FBN1: variants seen among roughly 807,000 people sequenced by gnomAD.
FBN1 encodes the protein fibrillin-1.
A neutral mutation model predicts 365.1 loss-of-function variants in FBN1; 29 were observed. The observed-to-expected ratio is 0.08, with a 90% CI of 0.06 to 0.11. The LOEUF is 0.11. Ranked by LOEUF, FBN1 falls within the 10% of genes least tolerant of loss-of-function variation. FBN1 has a pLI of 1.00. For missense variants in FBN1, 2,476 were observed against 3,703.2 expected (o/e 0.67, Z 8.60); for synonymous variants, 1,210 against 1,270.5 (o/e 0.95, Z 1.01).
intron 50 of FBN1, among the ~76,000 whole-genome samples, chr15:48,440,154 C>T (rs1400769197): frequency 6.6e-6 from 1 of 152,202 alleles, no homozygotes; most frequent in Non-Finnish European, 1.5e-5. Flanking sequence ...TACTTCAGGA[C>T]TCACTGGGAT....
chr15:48,618,261 G>A (rs1889695904), intron 2 of FBN1, among the ~76,000 whole-genome samples: 1 of 152,110 alleles, frequency 6.6e-6, no homozygotes, highest in Non-Finnish European at 1.5e-5. Context: ...GATAGATCAT[G>A]AAACAATTAC....
At chr15:48,451,595 A>G (rs2043202022) in intron 45 of FBN1, among the ~76,000 whole-genome samples, 1 of 152,214 alleles carries the variant, frequency 6.6e-6, no homozygotes, top group South Asian at 2.1e-4. Context: ...AAATCCAAGG[A>G]AAATCTGACC....
chr15:48,434,526 C>T, intron 54 of FBN1, 68 bp downstream of exon 54: 1 of 1,594,544 alleles, frequency 6.3e-7, no homozygotes, highest in East Asian at 2.2e-5. Flanking sequence ...AATATTAAGA[C>T]TTGTAATCAA....
At chr15:48,442,035 G>A (rs762057666) in intron 49 of FBN1, among the ~76,000 whole-genome samples, 189 bp from the exon 50 acceptor site, 7 of 152,170 alleles carry the variant, frequency 4.6e-5, no homozygotes, top group Non-Finnish European at 1.0e-4. Flanking sequence ...AATTAGTTTT[G>A]ACAGTTATTG....
intron 44 of FBN1, among the ~76,000 whole-genome samples, chr15:48,454,557 G>C (rs1475437988): frequency 6.6e-6 from 1 of 152,172 alleles, no homozygotes; most frequent in Non-Finnish European, 1.5e-5. Flanking sequence ...CAAAATACAT[G>C]TTTCCCTCTT....
In FBN1 at chr15:48,499,017, C is replaced by A. The variant is rs1597571384; in HGVS notation, c.2135G>T (p.Ser712Ile). The change falls in exon 18 of 66, where the codon AGC becomes ATC. Residue 712 changes from serine (S) to isoleucine (I), a missense_variant. By Grantham distance (142) the Ser-to-Ile change is moderately radical. This residue lies in a region of FBN1 where 1,780 missense variants were observed against 2,840.8 expected (regional missense o/e 0.63). Coordinates refer to ENST00000316623, the MANE Select transcript of FBN1 (RefSeq NM_000138.5). ...QNSAEYQALC[S>I]SGPGMTSAGS... ...TGCTGACGTCATTCCTGGCCCACTG[C>A]TGCAGAGTGCCTGATATTCCGCTGC... is the stretch of plus-strand genomic sequence containing the variant. The A allele has an allele frequency of 6.2e-7, 1 of 1,614,230 alleles. No homozygotes were observed. The highest frequency in any genetic ancestry group is 8.5e-7 in the Non-Finnish European group (1 of 1,180,024).
chr15:48,480,548 C>G (rs915748757), intron 32 of FBN1, among the ~76,000 whole-genome samples: 2 of 152,124 alleles, frequency 1.3e-5, no homozygotes, highest in African/African-American at 4.8e-5. Context: ...CATAATTTGG[C>G]TAGCATCTGT....
chr15:48,477,043 A>G (rs1053164541), intron 32 of FBN1, among the ~76,000 whole-genome samples: 20 of 152,080 alleles, frequency 1.3e-4, no homozygotes, highest in African/African-American at 4.8e-4. Flanking sequence ...TCTTCTACTA[A>G]GCATAATTTT....
At chr15:48,441,988 T>C in intron 49 of FBN1, 142 bp from the exon 50 acceptor site, 2 of 857,706 alleles carry the variant, frequency 2.3e-6, no homozygotes, top group Non-Finnish European at 3.8e-6. Context: ...ACCATAACAC[T>C]GTGGACTGGA....
intron 2 of FBN1, among the ~76,000 whole-genome samples, chr15:48,636,168 G>A (rs1240475300): frequency 6.6e-6 from 1 of 152,164 alleles, no homozygotes; most frequent in Non-Finnish European, 1.5e-5. Context: ...TCCAGGTCAT[G>A]CGATTCCAGG....
chr15:48,434,170 A>T (rs182689905), intron 54 of FBN1, among the ~76,000 whole-genome samples: 1 of 152,114 alleles, frequency 6.6e-6, no homozygotes, highest in African/African-American at 2.4e-5. Context: ...ATTGCCTCCA[A>T]ATGGCTACAG....
intron 45 of FBN1, among the ~76,000 whole-genome samples, chr15:48,450,304 G>C (rs1196464349): frequency 6.6e-6 from 1 of 152,138 alleles, no homozygotes; most frequent in Non-Finnish European, 1.5e-5. Context: ...AGGAAATGGA[G>C]AGCCTTAAGG....
chr15:48,488,303 T>C lies in FBN1; in HGVS notation c.3209-62A>G. The C allele has an allele frequency of 4.3e-6, 7 of 1,612,776 alleles. No individual in the cohort carries two copies. In the South Asian group the frequency reaches 4.4e-5, roughly 10 times the overall value. On this transcript the variant is annotated intron_variant, in intron 26 of 65. Transcript: ENST00000316623. ...AGGACAGCCTTAATTCTTGCGACAA[T>C]ATGTTAAAGATAAAGAGTTTTAAAG... is the stretch of plus-strand genomic sequence containing the variant.
chr15:48,605,907 G>A (rs1039292024), intron 4 of FBN1, among the ~76,000 whole-genome samples: 9 of 151,988 alleles, frequency 5.9e-5, no homozygotes, highest in Non-Finnish European at 1.0e-4. Context: ...TAAGAATCTG[G>A]ACAAAAGATA....
chr15:48,508,391 A>G (rs887280909), intron 15 of FBN1, among the ~76,000 whole-genome samples, 191 bp downstream of exon 15: 5 of 152,214 alleles, frequency 3.3e-5, no homozygotes, highest in African/African-American at 9.6e-5. Flanking sequence ...TGAAATAACA[A>G]TAGTCTTCTG....
At chr15:48,616,472 A>G (rs1374675025) in intron 2 of FBN1, among the ~76,000 whole-genome samples, 1 of 152,048 alleles carries the variant, frequency 6.6e-6, no homozygotes, top group Non-Finnish European at 1.5e-5. Flanking sequence ...TTATACACAG[A>G]AAAAAAACAG....
At chr15:48,427,422 A>T (rs767170081) in intron 58 of FBN1, 145 bp downstream of exon 58, 23 of 841,378 alleles carry the variant, frequency 2.7e-5, no homozygotes, top group Non-Finnish European at 3.8e-5. Context: ...AATGTCTAAA[A>T]CTCCATAATG....
At chr15:48,588,197 A>G (rs1226228087) in intron 6 of FBN1, among the ~76,000 whole-genome samples, 1 of 152,234 alleles carries the variant, frequency 6.6e-6, no homozygotes, top group Non-Finnish European at 1.5e-5. Flanking sequence ...TTAGAATGGA[A>G]AAGAGAATAC....
At chr15:48,496,969 T>C (rs1355700372) in intron 19 of FBN1, among the ~76,000 whole-genome samples, 1 of 152,200 alleles carries the variant, frequency 6.6e-6, no homozygotes, top group East Asian at 1.9e-4. Flanking sequence ...TGGCTCAGAA[T>C]CTCTGCATCT....
Sources: allele counts gnomAD v4.1 joint callset (sites outside exome capture counted in the v4.1 genomes callset), GRCh38; gene constraint gnomAD v4.1.1; regional missense constraint gnomAD v4.1.1; transcripts MANE v1.5; gene names NCBI Gene and HGNC (gene_info 2026-07-23, HGNC 2026-07-21).